The following GPR89B variants were observed in gnomAD, a reference collection of about 807,000 sequenced individuals.
GPR89B encodes golgi pH regulator B.
GPR89B carries 25 observed loss-of-function variants against 52.4 expected under a neutral mutation model. That is an observed-to-expected ratio of 0.48 (90% CI 0.35 to 0.67). GPR89B has a LOEUF of 0.67. GPR89B is among the 30% of genes least tolerant of loss of function. The pLI is 0.01. For synonymous variants in GPR89B, 52 were observed against 151.2 expected (o/e 0.34, Z 4.81); for missense variants, 146 against 450.2 (o/e 0.32, Z 6.11).
chr1:148,007,367 G>C, the GPR89B span, among the ~76,000 whole-genome samples: 8 of 152,062 alleles, frequency 5.3e-5, no homozygotes, highest in Admixed American at 2.6e-4. Context: ...GAGCCACTGC[G>C]CCCGGCCTGA....
At chr1:147,958,978 A>C (rs1265599029) in intron 7 of GPR89B, among the ~76,000 whole-genome samples, 2 of 152,286 alleles carry the variant, frequency 1.3e-5, no homozygotes, top group Middle Eastern at 3.4e-3. Context: ...ATATAGAAAA[A>C]CTGTTTTTGT....
the GPR89B span, among the ~76,000 whole-genome samples, chr1:148,003,434 G>A: frequency 8.5e-5 from 13 of 152,170 alleles, no homozygotes; most frequent in African/African-American, 2.7e-4. Flanking sequence ...CAGTGACATC[G>A]TGTTAGTAAG....
At chr1:148,023,262 A>G in the GPR89B span, among the ~76,000 whole-genome samples, 1 of 145,972 alleles carries the variant, frequency 6.9e-6, no homozygotes, top group African/African-American at 2.6e-5. Flanking sequence ...TTATTGCAAA[A>G]GACATGATTT....
chr1:148,020,730 C>A, the GPR89B span, among the ~76,000 whole-genome samples: 1 of 152,028 alleles, frequency 6.6e-6, no homozygotes, highest in Middle Eastern at 3.2e-3. Flanking sequence ...TCTGGCCCCC[C>A]AGATTGGAGT....
rs1350044333 is a variant in GPR89B, at chr1:147,968,787, T to C, written c.728-88T>C. 4 of 1,605,778 alleles carry C rather than the reference T, an allele frequency of 2.5e-6. No homozygotes were observed. In the East Asian group the frequency reaches 6.7e-5, roughly 27 times the overall value. On this transcript the variant is annotated intron_variant, in intron 8 of 13. Transcript: ENST00000314163. The stretch of plus-strand genomic sequence containing the variant: ...AATATAGGCAACTCCGGGAATCCAC[T>C]GTAGGAAAAACTAAAAGTATATGCT...
chr1:148,015,603 C>G, the GPR89B span, among the ~76,000 whole-genome samples: 2 of 147,916 alleles, frequency 1.4e-5, no homozygotes, highest in Non-Finnish European at 3.0e-5. Flanking sequence ...CTTGAGCCAC[C>G]GCGCCCGGCC....
At chr1:147,941,698 GAATT>G (rs1178279489) in intron 3 of GPR89B, among the ~76,000 whole-genome samples, 4 of 148,832 alleles carry the variant, frequency 2.7e-5, no homozygotes, top group South Asian at 2.2e-4. Flanking sequence ...TTCCTTTGAG[GAATT>G]AATTTTTATT....
chr1:147,939,673 A>C (rs1553248569), intron 3 of GPR89B, among the ~76,000 whole-genome samples: 1 of 152,152 alleles, frequency 6.6e-6, no homozygotes, highest in Non-Finnish European at 1.5e-5. Context: ...TACTATACAG[A>C]TGGTTAATCA....
At chr1:147,978,419 A>C (rs1159331871) in intron 10 of GPR89B, among the ~76,000 whole-genome samples, 4 of 151,684 alleles carry the variant, frequency 2.6e-5, no homozygotes, top group Non-Finnish European at 5.9e-5. Context: ...CCTGTATAAG[A>C]TGTCTGGCAA....
chr1:147,992,353 T>C, intron 12 of GPR89B, 149 bp from the exon 13 acceptor site: 1 of 675,220 alleles, frequency 1.5e-6, no homozygotes, highest in Non-Finnish European at 2.7e-6. Context: ...TTTAAGTCTC[T>C]TCTTTATAGT....
At chr1:147,937,631 G>C (rs1251641671) in intron 2 of GPR89B, among the ~76,000 whole-genome samples, 2 of 152,152 alleles carry the variant, frequency 1.3e-5, no homozygotes, top group Non-Finnish European at 2.9e-5. Flanking sequence ...GAATTCAGCA[G>C]TATTTCTCCT....
At chr1:147,956,748 T>A (rs1310644992) in intron 7 of GPR89B, among the ~76,000 whole-genome samples, 2 of 151,872 alleles carry the variant, frequency 1.3e-5, no homozygotes, top group African/African-American at 4.9e-5. Context: ...GTGATTTTTT[T>A]TTTTTTTAAG....
At position 147,945,844 on chromosome 1, in the gene GPR89B, C is replaced by T. The variant is rs587659508; in HGVS notation, c.415+1746C>T. On this transcript the variant is annotated intron_variant, in intron 5 of 13. Coordinates refer to ENST00000314163, the MANE Select transcript of GPR89B (RefSeq NM_016334.5). ...GGCTCAAGTGATCCTCCTACCTCAGCCTCCTGAGTAACGGGGACTATGGGC... is the reference window on the plus strand; with the variant it reads ...GGCTCAAGTGATCCTCCTACCTCAGTCTCCTGAGTAACGGGGACTATGGGC... Among the ~76,000 whole-genome samples the T allele has an allele frequency of 7.8e-3, 1,178 of 151,330 alleles. 16 individuals are homozygous for T. The highest frequency in any genetic ancestry group is 0.046 in the East Asian group (232 of 5,080).
chr1:147,995,340 TA>T (rs1204089698), downstream of GPR89B, among the ~76,000 whole-genome samples: 1 of 150,344 alleles, frequency 6.7e-6, no homozygotes, highest in Non-Finnish European at 1.5e-5. Flanking sequence ...CCCATTACAA[TA>T]CTGATAAACT....
the GPR89B span, among the ~76,000 whole-genome samples, chr1:148,023,499 G>T: frequency 2.3e-3 from 321 of 138,482 alleles, 2 homozygotes; most frequent in Non-Finnish European, 4.1e-3. Flanking sequence ...TCTGTTGTAG[G>T]TTCTTTGAGA....
intron 7 of GPR89B, among the ~76,000 whole-genome samples, chr1:147,963,833 T>TC (rs1286180603): frequency 3.3e-5 from 5 of 152,114 alleles, no homozygotes; most frequent in African/African-American, 1.2e-4. Flanking sequence ...ACAATTGCAC[T>TC]CCTGGGCATT....
the GPR89B span, among the ~76,000 whole-genome samples, chr1:148,017,583 A>G: frequency 6.7e-6 from 1 of 149,654 alleles, no homozygotes; most frequent in Non-Finnish European, 1.5e-5. Flanking sequence ...AAATACAAAC[A>G]AAAAATTAGC....
At chr1:148,014,535 AG>A in the GPR89B span, 1 of 149,296 alleles carries the variant, frequency 6.7e-6, no homozygotes, top group African/African-American at 2.6e-5. Context: ...AGCCTCCTCC[AG>A]GGAGAACCCC....
chr1:147,994,570 TG>T (rs1659269346), downstream of GPR89B, among the ~76,000 whole-genome samples: 1 of 152,182 alleles, frequency 6.6e-6, no homozygotes, highest in Non-Finnish European at 1.5e-5. Context: ...CTGAATCAGA[TG>T]ATCTAGGTAT....
Sources: allele counts gnomAD v4.1 joint callset (sites outside exome capture counted in the v4.1 genomes callset), GRCh38; gene constraint gnomAD v4.1.1; transcripts MANE v1.5; gene names NCBI Gene and HGNC (gene_info 2026-07-23, HGNC 2026-07-21).